The following SUGCT variants were observed in gnomAD, a reference collection of about 807,000 sequenced individuals.
SUGCT encodes succinyl-CoA:glutarate-CoA transferase.
SUGCT carries 41 observed loss-of-function variants against 55.0 expected under a neutral mutation model. The observed-to-expected ratio is 0.74, with a 90% CI of 0.58 to 0.97. The LOEUF (loss-of-function observed/expected upper bound fraction) is 0.97. SUGCT is among the 50% of genes least tolerant of loss of function. SUGCT has a pLI of 0.00. For missense variants in SUGCT, 568 were observed against 547.8 expected (o/e 1.04, Z -0.37); for synonymous variants, 187 against 200.4 (o/e 0.93, Z 0.56).
intron 12 of SUGCT, among the ~76,000 whole-genome samples, chr7:40,528,531 T>A (rs1239650470): frequency 6.6e-6 from 1 of 152,174 alleles, no homozygotes; most frequent in Non-Finnish European, 1.5e-5. Context: ...GGAGAAAGAC[T>A]CTATGATCTT....
At chr7:40,542,546 G>A (rs191835419) in intron 12 of SUGCT, among the ~76,000 whole-genome samples, 1 of 152,266 alleles carries the variant, frequency 6.6e-6, no homozygotes, top group East Asian at 1.9e-4. Flanking sequence ...AGCAAAAAAG[G>A]ATATTTGAGA....
chr7:40,828,807 C>T (rs927370144), intron 13 of SUGCT, among the ~76,000 whole-genome samples: 1 of 152,128 alleles, frequency 6.6e-6, no homozygotes, highest in African/African-American at 2.4e-5. Context: ...CTGACCTTCA[C>T]TGAGAACTTC....
chr7:40,513,077 G>A (rs1206221966), intron 12 of SUGCT, among the ~76,000 whole-genome samples: 1 of 152,136 alleles, frequency 6.6e-6, no homozygotes, highest in African/African-American at 2.4e-5. Flanking sequence ...GACAAATGTA[G>A]GGGAGATCAG....
rs150746471 is a variant in SUGCT at position 40,241,349 on chromosome 7, C to T, written c.576+3623C>T. ...ATCCCAGCACGTTGGGAGGCTGAGG[C>T]GGGCGGATCACTTAAGGTCAGGAGT... On this transcript the variant is annotated intron_variant, in intron 7 of 13. Transcript: ENST00000335693. Among the ~76,000 whole-genome samples the T allele has an allele frequency of 7.0e-4, 106 of 152,074 alleles. 2 individuals are homozygous for T. The highest frequency in any genetic ancestry group is 2.2e-3 in the African/African-American group (90 of 41,530).
chr7:40,928,725 GA>G, the SUGCT span, among the ~76,000 whole-genome samples: 7 of 151,386 alleles, frequency 4.6e-5, no homozygotes, highest in African/African-American at 1.7e-4. Flanking sequence ...TCAGCCTCCT[GA>G]ATAGCTGGGA....
intron 12 of SUGCT, among the ~76,000 whole-genome samples, chr7:40,645,181 C>T (rs1043065276): frequency 6.6e-6 from 1 of 152,178 alleles, no homozygotes; most frequent in Non-Finnish European, 1.5e-5. Flanking sequence ...TGGGCTGCAT[C>T]TTAACTCCAC....
chr7:40,410,044 G>A (rs1786588240), intron 9 of SUGCT, among the ~76,000 whole-genome samples: 1 of 151,888 alleles, frequency 6.6e-6, no homozygotes. Flanking sequence ...TAGAATCTTT[G>A]CCCCTTGTGT....
intron 12 of SUGCT, among the ~76,000 whole-genome samples, chr7:40,691,971 A>G (rs1035048517): frequency 1.3e-5 from 2 of 152,182 alleles, no homozygotes; most frequent in Non-Finnish European, 2.9e-5. Flanking sequence ...TTTCATAGAT[A>G]AACAGAGGTT....
chr7:40,961,656 C>T, the SUGCT span, among the ~76,000 whole-genome samples: 30 of 152,300 alleles, frequency 2.0e-4, no homozygotes, highest in Admixed American at 1.2e-3. Flanking sequence ...TGAGAACCCT[C>T]GTGGTGAGTG....
the SUGCT span, among the ~76,000 whole-genome samples, chr7:40,962,244 A>C: frequency 6.6e-6 from 1 of 152,190 alleles, no homozygotes. Flanking sequence ...AGCTAGACAC[A>C]GAGCACTGGT....
At chr7:41,036,490 A>G in the SUGCT span, among the ~76,000 whole-genome samples, 3 of 152,176 alleles carry the variant, frequency 2.0e-5, no homozygotes, top group Admixed American at 6.5e-5. Flanking sequence ...ATGTCTTGAC[A>G]CTGTTCGTTC....
At chr7:40,963,505 C>T in the SUGCT span, among the ~76,000 whole-genome samples, 1 of 152,156 alleles carries the variant, frequency 6.6e-6, no homozygotes, top group African/African-American at 2.4e-5. Context: ...AGGATATGCT[C>T]TTATGCCTTA....
intron 1 of SUGCT, among the ~76,000 whole-genome samples, chr7:40,155,945 C>T (rs1434874896): frequency 1.3e-5 from 2 of 151,702 alleles, no homozygotes; most frequent in African/African-American, 2.4e-5. Context: ...GCAACCTCCA[C>T]CTCCGGGGTT....
At chr7:40,219,316 T>A (rs1327186213) in intron 6 of SUGCT, among the ~76,000 whole-genome samples, 1 of 152,170 alleles carries the variant, frequency 6.6e-6, no homozygotes, top group East Asian at 1.9e-4. Context: ...TTGAAGTCAG[T>A]GAGACCAAGA....
At chr7:40,796,839 T>C (rs1193357287) in intron 13 of SUGCT, among the ~76,000 whole-genome samples, 1 of 152,178 alleles carries the variant, frequency 6.6e-6, no homozygotes, top group African/African-American at 2.4e-5. Context: ...AGCCAACTGA[T>C]AGCTCCAGAA....
chr7:40,368,360 G>C (rs1291801165), intron 9 of SUGCT, among the ~76,000 whole-genome samples: 2 of 151,972 alleles, frequency 1.3e-5, no homozygotes, highest in East Asian at 3.9e-4. Context: ...ACCACACCCA[G>C]CTAATTTTTT....
intron 12 of SUGCT, among the ~76,000 whole-genome samples, chr7:40,594,787 A>G (rs776450283): frequency 6.6e-6 from 1 of 152,224 alleles, no homozygotes. Flanking sequence ...TGGTCAATGT[A>G]AAACAGAACA....
intron 12 of SUGCT, among the ~76,000 whole-genome samples, chr7:40,676,338 A>G (rs1192682865): frequency 6.6e-6 from 1 of 152,152 alleles, no homozygotes; most frequent in Non-Finnish European, 1.5e-5. Flanking sequence ...AACAAGTGAA[A>G]TATGTTTTAT....
chr7:40,998,972 T>C, the SUGCT span, among the ~76,000 whole-genome samples: 1 of 152,188 alleles, frequency 6.6e-6, no homozygotes, highest in African/African-American at 2.4e-5. Context: ...ACAGGTAATT[T>C]AAGCAGTGGT....
Sources: gnomAD v4.1 joint callset for allele counts (sites outside exome capture counted in the v4.1 genomes callset) on GRCh38, gnomAD v4.1.1 for gene constraint, MANE v1.5 for transcripts, NCBI Gene and HGNC (gene_info 2026-07-23, HGNC 2026-07-21) for gene names.